The following FNBP1L variants were observed in gnomAD, a reference collection of about 807,000 sequenced individuals.
FNBP1L encodes the protein formin-binding protein 1-like.
A neutral mutation model predicts 91.2 loss-of-function variants in FNBP1L; 36 were observed. The ratio of observed to expected loss-of-function variants is 0.39; its 90% CI spans 0.30 to 0.52. The LOEUF (loss-of-function observed/expected upper bound fraction) is 0.52, where lower values mean the gene tolerates loss of function less well. Among genes scored for constraint, FNBP1L ranks in the 20% least tolerant of loss-of-function variants. FNBP1L has a pLI of 0.66. For synonymous variants in FNBP1L, 242 were observed against 237.0 expected (o/e 1.02, Z -0.19); for missense variants, 571 against 732.1 (o/e 0.78, Z 2.54).
At chr1:93,497,423 G>C (rs1670302566) in intron 1 of FNBP1L, among the ~76,000 whole-genome samples, 1 of 152,174 alleles carries the variant, frequency 6.6e-6, no homozygotes, top group African/African-American at 2.4e-5. Flanking sequence ...TATAGCAACA[G>C]TAAATTTTTT....
chr1:93,510,791 A>G (rs1434835598), intron 2 of FNBP1L, among the ~76,000 whole-genome samples: 1 of 152,198 alleles, frequency 6.6e-6, no homozygotes, highest in African/African-American at 2.4e-5. Context: ...CCAAGGCTCA[A>G]GAACTACGTG....
chr1:93,535,521 G>T (rs1265509378), intron 9 of FNBP1L, among the ~76,000 whole-genome samples: 1 of 152,006 alleles, frequency 6.6e-6, no homozygotes, highest in Non-Finnish European at 1.5e-5. Flanking sequence ...CAATTAAGTG[G>T]TTGTACTCGT....
In FNBP1L at chr1:93,499,502, G is replaced by A; in HGVS notation, c.59G>A (p.Trp20Ter). 1 of 1,604,790 alleles carries A rather than the reference G, an allele frequency of 6.2e-7. No individual in the cohort carries two copies. The highest frequency in any genetic ancestry group is 8.5e-7 in the Non-Finnish European group (1 of 1,175,726). The change falls in exon 2 of 17, where the codon TGG (tryptophan) becomes TAG (stop). Residue 20 changes from tryptophan to a stop codon, truncating the protein, a stop_gained. Coordinates refer to ENST00000271234, the MANE Select transcript of FNBP1L (RefSeq NM_001164473.3). LOFTEE classifies it high-confidence loss of function. ...GACAGCTTAGACAAGCATACACAAT[G>A]GGGAATTGACTTCTTGGAAAGATAT... ...QFDSLDKHTQ[W>*]GIDFLERYAK... is the part of the protein sequence containing the mutation.
rs60252228 is a variant in FNBP1L, at chr1:93,542,798, T to A, written c.1165-1309T>A. ...TACCTTTTTTTTTTTTTTTTTTTTT[T>A]AAAAGACGGAGTCTCGCTCTTGTCG... On this transcript the variant is annotated intron_variant, in intron 11 of 16. Coordinates refer to ENST00000271234, the MANE Select transcript of FNBP1L (RefSeq NM_001164473.3). Among the ~76,000 whole-genome samples, 24 of 123,772 alleles carry A rather than the reference T, an allele frequency of 1.9e-4. No individual in the cohort carries two copies. The South Asian group carries it at 2.6e-3, about 13-fold the overall frequency. 81.2% of individuals were successfully genotyped at this position (123,772 alleles called of 152,430 possible).
At chr1:93,515,859 A>T (rs985847166) in intron 2 of FNBP1L, among the ~76,000 whole-genome samples, 1 of 152,158 alleles carries the variant, frequency 6.6e-6, no homozygotes, top group African/African-American at 2.4e-5. Context: ...GCACATGTAT[A>T]CATATGTAGC....
At chr1:93,453,002 C>A (rs1010424191) in intron 1 of FNBP1L, among the ~76,000 whole-genome samples, 3 of 152,142 alleles carry the variant, frequency 2.0e-5, no homozygotes, top group African/African-American at 7.2e-5. Flanking sequence ...CAAAATACTT[C>A]CCTACATTGA....
At position 93,532,989 on chromosome 1, in the gene FNBP1L, CAG is replaced by C. The variant is rs753616935; in HGVS notation, c.709_710del (p.Glu237ThrfsTer22). The C allele has an allele frequency of 6.2e-7, 1 of 1,613,350 alleles. No homozygotes were observed. The highest frequency in any genetic ancestry group is 1.1e-5 in the South Asian group (1 of 90,986). On this transcript the variant is annotated frameshift_variant, in exon 8 of 17. Coordinates refer to ENST00000271234, the MANE Select transcript of FNBP1L (RefSeq NM_001164473.3). LOFTEE classifies it high-confidence loss of function. ...GAGTGTTACAGAGGATTTGCTGACT[CAG>C]AACGCAAAGTTATTCCCATCATTTC... is the stretch of plus-strand genomic sequence containing the variant.
intron 7 of FNBP1L, among the ~76,000 whole-genome samples, chr1:93,532,153 C>T (rs1390379494): frequency 6.6e-6 from 1 of 151,802 alleles, no homozygotes; most frequent in Non-Finnish European, 1.5e-5. Context: ...ACCAAAGTAT[C>T]CTGAATTAAC....
chr1:93,454,909 T>TTTTATTTA lies in FNBP1L; in HGVS notation c.24+6632_24+6639dup, dbSNP rs199611646. 3.5e-3 allele frequency among the ~76,000 whole-genome samples: 529 copies of TTTTATTTA among 150,926 alleles called. 4 individuals carry two copies. The highest frequency in any genetic ancestry group is 0.02 in the South Asian group (96 of 4,778). On this transcript the variant is annotated intron_variant, in intron 1 of 16. Coordinates refer to ENST00000271234, the MANE Select transcript of FNBP1L (RefSeq NM_001164473.3). ...ATGTGCATATACTGTGCTGTTTTAT[T>TTTTATTTA]TTTATTTATTTATTTATTTATTTAT...
rs992790743 is a variant in FNBP1L, at chr1:93,536,356, A to G, written c.1015A>G (p.Thr339Ala). ...GCCACAGTCCCCACCCTTAACCCCT[A>G]CTAGTTTATTCACATCCAGTACTCC... ...PKPQSPPLTP[T>A]SLFTSSTPNG... The change falls in exon 10 of 17, where the codon ACT (threonine) becomes GCT (alanine). Residue 339 changes from threonine to alanine, a missense_variant. Around this residue, in one of 5 missense-constraint regions of FNBP1L, gnomAD observed 150 missense variants for 155.9 expected, o/e 0.96. Coordinates refer to ENST00000271234, the MANE Select transcript of FNBP1L (RefSeq NM_001164473.3). 1.9e-5 allele frequency: 30 copies of G among 1,545,918 alleles called. No individual in the cohort carries two copies. The highest frequency in any genetic ancestry group is 2.3e-5 in the Non-Finnish European group (26 of 1,144,122).
chr1:93,521,675 G>A (rs1207243970), intron 2 of FNBP1L, among the ~76,000 whole-genome samples: 1 of 152,026 alleles, frequency 6.6e-6, no homozygotes, highest in Non-Finnish European at 1.5e-5. Flanking sequence ...TTTTTAATTT[G>A]TATTACTTTT....
intron 1 of FNBP1L, among the ~76,000 whole-genome samples, chr1:93,454,345 T>C (rs1035904767): frequency 1.3e-5 from 2 of 151,862 alleles, no homozygotes; most frequent in African/African-American, 4.8e-5. Context: ...TCTGTGTGTG[T>C]GTGTGTGTGT....
chr1:93,474,354 C>T (rs1669418296), intron 1 of FNBP1L, among the ~76,000 whole-genome samples: 1 of 152,190 alleles, frequency 6.6e-6, no homozygotes, highest in South Asian at 2.1e-4. Context: ...TGATAATAGT[C>T]TGTTGGGGCC....
intron 2 of FNBP1L, 39 bp downstream of exon 2, chr1:93,499,622 CAT>C: frequency 8.6e-7 from 1 of 1,161,628 alleles, no homozygotes; most frequent in South Asian, 1.4e-5. Context: ...AATGAAATTA[CAT>C]GTTTAAACAG....
chr1:93,507,089 ACACACACACACACACACACTCTCT>A (rs1670647932), intron 2 of FNBP1L, among the ~76,000 whole-genome samples: 9 of 131,088 alleles, frequency 6.9e-5, no homozygotes, highest in Admixed American at 1.6e-4. Flanking sequence ...ACACACACAC[ACACACACACACACACACACTCTCT>A]CTCTCTCTCT....
intron 14 of FNBP1L, among the ~76,000 whole-genome samples, chr1:93,548,577 C>A (rs1672312074): frequency 6.6e-6 from 1 of 152,064 alleles, no homozygotes; most frequent in Non-Finnish European, 1.5e-5. Flanking sequence ...TAAAAATGGA[C>A]TTCATTGGCT....
chr1:93,541,946 T>C (rs1308470272), intron 11 of FNBP1L, among the ~76,000 whole-genome samples: 1 of 152,122 alleles, frequency 6.6e-6, no homozygotes, highest in African/African-American at 2.4e-5. Flanking sequence ...AAGGGATAAG[T>C]GGAATTCTGG....
chr1:93,512,661 C>T lies in FNBP1L; in HGVS notation c.141-9421C>T, dbSNP rs1162278708. Among the ~76,000 whole-genome samples, 47 of 149,254 alleles carry T rather than the reference C, an allele frequency of 3.1e-4. 1 individual carries two copies. The South Asian group carries it at 0.01, about 32-fold the overall frequency. Reference sequence around the variant, plus strand: ...CTACATGGAAACTGAACAACCTGCTCCTGAATGACTACTGGGTACATAACG... The same window carrying T: ...CTACATGGAAACTGAACAACCTGCTTCTGAATGACTACTGGGTACATAACG... On this transcript the variant is annotated intron_variant, in intron 2 of 16. Transcript: ENST00000271234.
At chr1:93,471,631 G>T (rs1174561025) in intron 1 of FNBP1L, among the ~76,000 whole-genome samples, 1 of 152,222 alleles carries the variant, frequency 6.6e-6, no homozygotes, top group Non-Finnish European at 1.5e-5. Flanking sequence ...GGTGGAGCCT[G>T]CAGTGAGCTG....
Sources: gnomAD v4.1 joint callset for allele counts (sites outside exome capture counted in the v4.1 genomes callset) on GRCh38, gnomAD v4.1.1 for gene constraint, gnomAD v4.1.1 regional missense constraint, MANE v1.5 for transcripts, NCBI Gene and HGNC (gene_info 2026-07-23, HGNC 2026-07-21) for gene names.